CCDC178: variants seen among roughly 807,000 people sequenced by gnomAD.
The protein encoded by CCDC178 is coiled-coil domain containing 178.
Under a neutral mutation model 117.4 loss-of-function variants are expected in CCDC178, and 126 were observed. That is an observed-to-expected ratio of 1.07 (90% confidence interval 0.93 to 1.24). CCDC178 has a LOEUF of 1.24. Among genes scored for constraint, CCDC178 ranks in the 50% most tolerant of loss-of-function variants. The pLI is 0.00. For missense variants in CCDC178, 1,030 were observed against 986.9 expected, an observed-to-expected ratio of 1.04 and a Z score of -0.59; for synonymous variants, 283 against 313.4, an observed-to-expected ratio of 0.90 and a Z score of 1.02.
chr18:33,181,389 T>C (rs902263977), intron 20 of CCDC178, among the ~76,000 whole-genome samples: 7 of 151,852 alleles, frequency 4.6e-5, no homozygotes, highest in African/African-American at 1.7e-4. Context: ...CCTAAAACTA[T>C]AAAAATAAAA....
intron 21 of CCDC178, among the ~76,000 whole-genome samples, chr18:33,051,697 C>G (rs888491730): frequency 2.6e-5 from 4 of 152,260 alleles, no homozygotes; most frequent in African/African-American, 9.6e-5. Flanking sequence ...TCCAAGACAG[C>G]CAGAAAGATT....
At chr18:33,227,579 T>TATATATAC (rs1555666698) in intron 15 of CCDC178, among the ~76,000 whole-genome samples, 4 of 67,596 alleles carry the variant, frequency 5.9e-5, no homozygotes, top group African/African-American at 1.8e-4. Flanking sequence ...TATATATATA[T>TATATATAC]ACACACACAC....
At chr18:33,067,278 A>T (rs554687410) in intron 21 of CCDC178, among the ~76,000 whole-genome samples, 1 of 152,324 alleles carries the variant, frequency 6.6e-6, no homozygotes, top group East Asian at 1.9e-4. Flanking sequence ...ATAAATTAAG[A>T]CAGATGTCAA....
At chr18:33,248,097 T>C (rs1470714140) in intron 14 of CCDC178, among the ~76,000 whole-genome samples, 2 of 151,740 alleles carry the variant, frequency 1.3e-5, no homozygotes, top group Non-Finnish European at 1.5e-5. Context: ...ATATTAAAGA[T>C]ACTTATTAAG....
intron 18 of CCDC178, among the ~76,000 whole-genome samples, chr18:33,216,642 T>C (rs1307304143): frequency 6.6e-6 from 1 of 152,098 alleles, no homozygotes; most frequent in Non-Finnish European, 1.5e-5. Flanking sequence ...TAACAACTAA[T>C]ATTTTATATT....
At chr18:32,949,956 AT>A (rs1258777839) in intron 22 of CCDC178, among the ~76,000 whole-genome samples, 1 of 152,196 alleles carries the variant, frequency 6.6e-6, no homozygotes, top group African/African-American at 2.4e-5. Flanking sequence ...CATACGGCTA[AT>A]TAATCCCTAC....
intron 9 of CCDC178, among the ~76,000 whole-genome samples, chr18:33,337,056 T>A (rs973378883): frequency 6.6e-6 from 1 of 152,004 alleles, no homozygotes; most frequent in African/African-American, 2.4e-5. Context: ...CATTTGTTTG[T>A]GTAGTCTAAG....
rs145332075 is a variant in CCDC178 at position 33,411,859 on chromosome 18, G to A, written c.58+172C>T. Among the ~76,000 whole-genome samples, 90 of 152,046 alleles carry A rather than the reference G, an allele frequency of 5.9e-4. 1 individual carries two copies. In the East Asian group the frequency reaches 0.016, roughly 27 times the overall value. On this transcript the variant is annotated intron_variant, in intron 3 of 22. Transcript: ENST00000383096. The stretch of plus-strand genomic sequence containing the variant: ...AATTCAGATAATGTGTTTTTGTTAC[G>A]CTGACTCACTCTTTTCTCTTAGCTC...
chr18:33,269,145 G>A (rs533095875), intron 12 of CCDC178, among the ~76,000 whole-genome samples: 1 of 151,872 alleles, frequency 6.6e-6, no homozygotes, highest in Admixed American at 6.6e-5. Flanking sequence ...TTGATGCAGA[G>A]TTTACCAGCA....
chr18:32,955,127 A>G (rs1478244462), intron 22 of CCDC178, among the ~76,000 whole-genome samples: 1 of 152,066 alleles, frequency 6.6e-6, no homozygotes, highest in Non-Finnish European at 1.5e-5. Context: ...TACTTTCCAC[A>G]TATCAGTCTA....
intron 20 of CCDC178, among the ~76,000 whole-genome samples, chr18:33,102,424 TAAA>T (rs36099291): frequency 1.0e-4 from 12 of 118,380 alleles, no homozygotes; most frequent in Non-Finnish European, 9.2e-5. Context: ...TGCTTTGAAG[TAAA>T]AAAAAAAAAA....
At chr18:33,031,820 A>G (rs1008192612) in intron 21 of CCDC178, among the ~76,000 whole-genome samples, 1 of 152,178 alleles carries the variant, frequency 6.6e-6, no homozygotes, top group Non-Finnish European at 1.5e-5. Context: ...CCCAATCTGA[A>G]TAAAAATAAA....
intron 9 of CCDC178, 112 bp from the exon 10 acceptor site, chr18:33,333,506 C>CA: frequency 2.0e-5 from 3 of 152,578 alleles, no homozygotes; most frequent in Non-Finnish European, 2.2e-5. Flanking sequence ...AATCTTACTA[C>CA]TTTTTTTTTT....
At chr18:33,067,348 C>G (rs2144984036) in intron 21 of CCDC178, among the ~76,000 whole-genome samples, 1 of 152,162 alleles carries the variant, frequency 6.6e-6, no homozygotes, top group East Asian at 1.9e-4. Flanking sequence ...TGAAATCTAT[C>G]AAAAGCAGTG....
At chr18:32,972,861 T>C (rs1254797712) in intron 22 of CCDC178, among the ~76,000 whole-genome samples, 1 of 152,104 alleles carries the variant, frequency 6.6e-6, no homozygotes. Context: ...TTTTGAAAAT[T>C]GTATTTTCAC....
intron 3 of CCDC178, among the ~76,000 whole-genome samples, chr18:33,406,122 A>G (rs1286239950): frequency 1.3e-5 from 2 of 152,120 alleles, no homozygotes; most frequent in Non-Finnish European, 2.9e-5. Context: ...TAAGTGTTAA[A>G]AAGGACAGCA....
In CCDC178 at chr18:33,416,299, C is replaced by T. The variant is rs1278831750; in HGVS notation, c.-22-4189G>A. On this transcript the variant is annotated intron_variant, in intron 2 of 22. Transcript: ENST00000383096. Reference sequence around the variant, plus strand: ...AAAATTAGCCGGGCGTGGTGGCGGGCGCCTATAGTCCCAGCTGCTCTGGAG... The same window carrying T: ...AAAATTAGCCGGGCGTGGTGGCGGGTGCCTATAGTCCCAGCTGCTCTGGAG... 1.1e-4 allele frequency among the ~76,000 whole-genome samples: 16 copies of T among 152,082 alleles called. No homozygotes were observed. The South Asian group carries it at 1.9e-3, about 18-fold the overall frequency.
chr18:33,304,725 T>G (rs1299204941), intron 11 of CCDC178, among the ~76,000 whole-genome samples: 3 of 152,182 alleles, frequency 2.0e-5, no homozygotes, highest in Admixed American at 2.0e-4. Flanking sequence ...TCAACTGGAC[T>G]GAACAACTTC....
At chr18:32,980,564 C>G (rs2055131975) in intron 21 of CCDC178, among the ~76,000 whole-genome samples, 1 of 94,614 alleles carries the variant, frequency 1.1e-5, no homozygotes, top group Non-Finnish European at 2.1e-5. Flanking sequence ...GAACGAGACT[C>G]CGTCTCAAAA....
Sources: allele counts gnomAD v4.1 joint callset (sites outside exome capture counted in the v4.1 genomes callset), GRCh38; gene constraint gnomAD v4.1.1; transcripts MANE v1.5; gene names NCBI Gene and HGNC (gene_info 2026-07-23, HGNC 2026-07-21).